Variants in U2AF2 observed in about 807,000 individuals in gnomAD.
U2AF2 encodes splicing factor U2AF 65 kDa subunit.
U2AF2 carries 6 observed loss-of-function variants against 52.6 expected under a neutral mutation model. That is an observed-to-expected ratio of 0.11 (90% CI 0.06 to 0.23). The LOEUF (loss-of-function observed/expected upper bound fraction) is 0.23, where lower values mean the gene tolerates loss of function less well. Among genes scored for constraint, U2AF2 ranks in the 10% least tolerant of loss-of-function variants. The pLI is 1.00. For missense variants in U2AF2, 222 were observed against 677.1 expected, an observed-to-expected ratio of 0.33 and a Z score of 7.46; for synonymous variants, 284 against 258.2, an observed-to-expected ratio of 1.10 and a Z score of -0.96.
At chr19:55,672,591 T>C (rs1447157820) in intron 11 of U2AF2, among the ~76,000 whole-genome samples, 2 of 152,096 alleles carry the variant, frequency 1.3e-5, no homozygotes, top group African/African-American at 2.4e-5. Context: ...ACACCCCCCC[T>C]CCTCCAGTTG....
chr19:55,662,453 T>A, intron 5 of U2AF2, 49 bp from the exon 6 acceptor site: 1 of 745,858 alleles, frequency 1.3e-6, no homozygotes. Flanking sequence ...CCCTCCTCTC[T>A]CCACCTCCCT....
chr19:55,655,453 C>T (rs1983723258), intron 1 of U2AF2, among the ~76,000 whole-genome samples: 1 of 152,210 alleles, frequency 6.6e-6, no homozygotes, highest in Non-Finnish European at 1.5e-5. Context: ...CCAGATGCCT[C>T]GACGTGAACT....
chr19:55,664,929 G>A (rs551198783), intron 7 of U2AF2, among the ~76,000 whole-genome samples: 1 of 152,100 alleles, frequency 6.6e-6, no homozygotes, highest in African/African-American at 2.4e-5. Flanking sequence ...TGTTGGTCAG[G>A]TTGGTCTCCG....
At chr19:55,659,684 G>A (rs759160677) in intron 2 of U2AF2, among the ~76,000 whole-genome samples, 8 of 150,784 alleles carry the variant, frequency 5.3e-5, no homozygotes, top group African/African-American at 1.2e-4. Context: ...CCTTCTTTTC[G>A]ACTCTCTGTG....
At chr19:55,661,312 C>T (rs975666779) in intron 5 of U2AF2, 123 bp downstream of exon 5, 12 of 1,137,676 alleles carry the variant, frequency 1.1e-5, no homozygotes, top group Non-Finnish European at 1.3e-5. Context: ...CCCCCGGCCC[C>T]CTCCCAGACG....
intron 7 of U2AF2, chr19:55,664,055 C>T (rs1293959786): frequency 1.7e-5 from 5 of 302,212 alleles, no homozygotes; most frequent in Non-Finnish European, 2.5e-5. Context: ...TGCGTTGCGG[C>T]TGTGGGACCT....
intron 7 of U2AF2, chr19:55,664,105 C>T (rs563621448): frequency 8.0e-5 from 17 of 213,548 alleles, no homozygotes; most frequent in African/African-American, 3.0e-4. Flanking sequence ...TGCTGTGTGT[C>T]GACGGTTGGC....
In U2AF2 at chr19:55,674,128, C is replaced by A; in HGVS notation, c.*60C>A. 3.3e-6 allele frequency: 5 copies of A among 1,506,134 alleles called. No homozygotes were observed. The highest frequency in any genetic ancestry group is 4.4e-6 in the Non-Finnish European group (5 of 1,129,666). 93.3% of individuals were successfully genotyped at this position (1,506,134 alleles called of 1,614,324 possible). On this transcript the variant is annotated 3_prime_UTR_variant, in exon 12 of 12. Coordinates refer to ENST00000308924, the MANE Select transcript of U2AF2 (RefSeq NM_007279.3). Reference sequence around the variant, plus strand: ...GGGGGCTTCTCCCCACTCCCGCCCCCCCCTTATCCCCCTCTGAAGACGATG... The same window carrying A: ...GGGGGCTTCTCCCCACTCCCGCCCCACCCTTATCCCCCTCTGAAGACGATG...
chr19:55,670,509 T>C, intron 11 of U2AF2: 1 of 370,382 alleles, frequency 2.7e-6, no homozygotes, highest in Non-Finnish European at 5.5e-6. Flanking sequence ...CCGTGCACCC[T>C]GCTGTCCCGT....
intron 7 of U2AF2, among the ~76,000 whole-genome samples, chr19:55,665,921 G>A (rs1403109511): frequency 6.6e-6 from 1 of 152,198 alleles, no homozygotes; most frequent in African/African-American, 2.4e-5. Flanking sequence ...GGGATTATAG[G>A]CGTGAGCCAC....
At chr19:55,667,767 G>C (rs1012310749) in intron 7 of U2AF2, among the ~76,000 whole-genome samples, 3 of 152,004 alleles carry the variant, frequency 2.0e-5, no homozygotes, top group Non-Finnish European at 4.4e-5. Context: ...GACAGGGCGT[G>C]AAGGGAAGGG....
Position 55,669,500 on chromosome 19 carries a change from G to T in U2AF2, c.1101G>T (p.Gln367His). 2 of 1,613,912 alleles carry T rather than the reference G, an allele frequency of 1.2e-6. No individual in the cohort carries two copies. Among genetic ancestry groups the T allele is most frequent in the Non-Finnish European group, 1.7e-6 (2 of 1,179,880 alleles). The change falls in exon 11 of 12, where the codon CAG (glutamine) becomes CAT (histidine). Residue 367 changes from glutamine (Q) to histidine (H), a missense_variant. Gln to His is a conservative substitution (Grantham distance 24, BLOSUM62 0). Coordinates refer to ENST00000308924, the MANE Select transcript of U2AF2 (RefSeq NM_007279.3). The stretch of plus-strand genomic sequence containing the variant: ...AAGTGCCGGGCTTGATGAGCTCCCA[G>T]GTGCAGATGGGCGGCCACCCGACTG... ...TLQVPGLMSSQVQMGGHPTEV... is the reference protein window; with the variant it reads ...TLQVPGLMSSHVQMGGHPTEV...
chr19:55,673,500 A>T (rs1985062023), intron 11 of U2AF2, among the ~76,000 whole-genome samples: 1 of 152,100 alleles, frequency 6.6e-6, no homozygotes, highest in Admixed American at 6.5e-5. Flanking sequence ...ATTTTATTCA[A>T]CCTGGGTTTG....
chr19:55,667,846 A>T (rs1477974955), intron 7 of U2AF2, among the ~76,000 whole-genome samples: 4 of 148,506 alleles, frequency 2.7e-5, no homozygotes, highest in Non-Finnish European at 5.9e-5. Flanking sequence ...AGTGCAGTGG[A>T]GTGATCTCGG....
chr19:55,655,996 C>T (rs991552098), intron 1 of U2AF2, among the ~76,000 whole-genome samples: 8 of 152,168 alleles, frequency 5.3e-5, no homozygotes, highest in Non-Finnish European at 1.2e-4. Flanking sequence ...AAAACAGGTT[C>T]TGAGGGAGGA....
At chr19:55,670,600 C>A (rs1423372706) in intron 11 of U2AF2, 2 of 246,676 alleles carry the variant, frequency 8.1e-6, no homozygotes, top group Non-Finnish European at 1.6e-5. Context: ...GCAGGGGCCG[C>A]ATTCCTGGGT....
intron 11 of U2AF2, 119 bp downstream of exon 11, chr19:55,669,811 T>A: frequency 7.5e-7 from 1 of 1,331,624 alleles, no homozygotes; most frequent in Non-Finnish European, 1.0e-6. Flanking sequence ...GCGCTCTTTC[T>A]TCCTCTCTCT....
Position 55,663,760 on chromosome 19 carries a change from A to C in U2AF2, c.742+16A>C, listed in dbSNP as rs779307673. The C allele has an allele frequency of 6.2e-7, 1 of 1,613,846 alleles. No homozygotes were observed. The highest frequency in any genetic ancestry group is 2.2e-5 in the East Asian group (1 of 44,872). On this transcript the variant is annotated intron_variant, in intron 7 of 11. Transcript: ENST00000308924. Reference sequence around the variant, plus strand: ...TATGTGCCTGGTGAGTGGGGGATCCATTAAGGGCCCCTTTCTCCCCCAGTC... The same window carrying C: ...TATGTGCCTGGTGAGTGGGGGATCCCTTAAGGGCCCCTTTCTCCCCCAGTC...
chr19:55,660,473 A>C (rs1220093821), intron 3 of U2AF2, 43 bp from the exon 4 acceptor site: 1 of 1,166,892 alleles, frequency 8.6e-7, no homozygotes, highest in Admixed American at 1.8e-5. Context: ...TGTTGGTCAG[A>C]CTGAGGTTGC....
Sources: allele counts gnomAD v4.1 joint callset (sites outside exome capture counted in the v4.1 genomes callset), GRCh38; gene constraint gnomAD v4.1.1; transcripts MANE v1.5; gene names NCBI Gene and HGNC (gene_info 2026-07-23, HGNC 2026-07-21).